The following COLEC11 variants were observed in gnomAD, a reference collection of about 807,000 sequenced individuals.
The protein encoded by COLEC11 is collectin-11.
A neutral mutation model predicts 27.3 loss-of-function variants in COLEC11; 20 were observed. The observed-to-expected ratio is 0.73, with a 90% CI of 0.51 to 1.06. COLEC11 has a LOEUF of 1.06. Ranked by LOEUF, COLEC11 falls within the 50% of genes least tolerant of loss-of-function variation. The probability of loss-of-function intolerance (pLI) is 0.00; values close to 1 mark genes in which losing one functional copy is unlikely to be tolerated. For missense variants in COLEC11, 310 were observed against 383.0 expected (o/e 0.81, Z 1.59); for synonymous variants, 163 against 154.7 (o/e 1.05, Z -0.40).
At chr2:3,603,768 C>A in intron 1 of COLEC11, 2 of 1,092,102 alleles carry the variant, frequency 1.8e-6, no homozygotes, top group Middle Eastern at 2.0e-4. Context: ...AAGGCCGGGG[C>A]TCCTCTCTCC....
intron 3 of COLEC11, among the ~76,000 whole-genome samples, chr2:3,621,395 T>G (rs1664177350): frequency 6.6e-6 from 1 of 152,248 alleles, no homozygotes; most frequent in African/African-American, 2.4e-5. Context: ...TTCCATCCCT[T>G]CATTTTTAGT....
At chr2:3,604,572 G>A in intron 2 of COLEC11, 102 bp downstream of exon 2, 1 of 1,326,218 alleles carries the variant, frequency 7.5e-7, no homozygotes, top group Non-Finnish European at 1.1e-6. Flanking sequence ...CAAAGCCCCA[G>A]CAAATCTGCT....
Position 3,643,956 on chromosome 2 carries a change from C to T in COLEC11, c.654C>T (p.Asp218=). The T allele has an allele frequency of 1.2e-6, 2 of 1,614,190 alleles. No individual in the cohort carries two copies. Among genetic ancestry groups the T allele is most frequent in the Non-Finnish European group, 8.5e-7 (1 of 1,180,058 alleles). ...LEKEGAFVYS[D]HSPMRTFNKW... is the part of the protein sequence containing the mutation. The stretch of plus-strand genomic sequence containing the variant: ...AGGAGGGCGCCTTCGTGTACTCTGA[C>T]CACTCCCCCATGCGGACCTTCAACA... The change falls in exon 7 of 7, where the codon GAC becomes GAT. Residue 218 remains aspartate, a synonymous_variant. Transcript: ENST00000349077.
intron 1 of COLEC11, among the ~76,000 whole-genome samples, chr2:3,598,624 ATTG>A (rs1047863929): frequency 6.6e-6 from 1 of 151,960 alleles, no homozygotes; most frequent in East Asian, 1.9e-4. Flanking sequence ...GGTTGCCCTT[ATTG>A]TTCTAATATC....
chr2:3,638,780 G>A (rs1251746396), intron 4 of COLEC11, among the ~76,000 whole-genome samples: 4 of 152,234 alleles, frequency 2.6e-5, no homozygotes, highest in African/African-American at 7.2e-5. Flanking sequence ...GGAGGGAGGC[G>A]TGGGCTTCAC....
intron 2 of COLEC11, among the ~76,000 whole-genome samples, chr2:3,609,518 C>T (rs1204091166): frequency 6.9e-6 from 1 of 144,602 alleles, no homozygotes. Flanking sequence ...TACAGGTGCA[C>T]AGCAACACAT....
chr2:3,618,866 C>T (rs1663974591), intron 3 of COLEC11, among the ~76,000 whole-genome samples: 1 of 152,174 alleles, frequency 6.6e-6, no homozygotes, highest in South Asian at 2.1e-4. Context: ...TCTCAGTGTA[C>T]AGGTACACAA....
intron 2 of COLEC11, 87 bp from the exon 3 acceptor site, chr2:3,613,224 C>T (rs569819908): frequency 2.7e-5 from 39 of 1,419,602 alleles, no homozygotes; most frequent in South Asian, 2.5e-4. Flanking sequence ...CCGGGGAGAA[C>T]GCTTCTAACT....
intron 1 of COLEC11, among the ~76,000 whole-genome samples, chr2:3,600,245 A>T (rs1662125674): frequency 6.7e-6 from 1 of 149,138 alleles, no homozygotes; most frequent in Non-Finnish European, 1.5e-5. Flanking sequence ...AAAAAAAAAA[A>T]AAAAAAGCAA....
intron 3 of COLEC11, among the ~76,000 whole-genome samples, chr2:3,615,755 C>G (rs148153543): frequency 0.044 from 6,659 of 150,094 alleles, 193 homozygotes; most frequent in Non-Finnish European, 0.07. Flanking sequence ...AGGGCGGTGG[C>G]CGGGCAGAGG....
chr2:3,640,347 T>C lies in COLEC11; in HGVS notation c.328+16T>C, dbSNP rs767120963. On this transcript the variant is annotated intron_variant, in intron 5 of 6. Coordinates refer to ENST00000349077, the MANE Select transcript of COLEC11 (RefSeq NM_024027.5). ...GGAGAACCAGGTATGGCATAAAGGG[T>C]CCAAGGATTTTTAATAAAATGTATT... The C allele has an allele frequency of 4.1e-6, 6 of 1,469,952 alleles. No individual in the cohort carries two copies. Among genetic ancestry groups the C allele is most frequent in the Non-Finnish European group, 5.7e-6 (6 of 1,049,260 alleles). 91.1% of individuals were successfully genotyped at this position (1,469,952 alleles called of 1,614,324 possible). A position where few individuals can be genotyped will look rare whatever the true frequency, so the allele number is the denominator to read the frequency against.
intron 2 of COLEC11, among the ~76,000 whole-genome samples, 172 bp from the exon 3 acceptor site, chr2:3,613,139 G>T (rs115240592): frequency 0.024 from 3,600 of 152,218 alleles, 150 homozygotes; most frequent in African/African-American, 0.08. Context: ...CAGAATCAGG[G>T]GCACCCAGAG....
intron 3 of COLEC11, among the ~76,000 whole-genome samples, chr2:3,635,943 A>G (rs145773231): frequency 1.3e-5 from 2 of 152,374 alleles, no homozygotes; most frequent in Non-Finnish European, 2.9e-5. Flanking sequence ...TTTTATTGCA[A>G]TGTAAACCAC....
chr2:3,638,432 T>C (rs111833975), intron 4 of COLEC11, among the ~76,000 whole-genome samples: 51 of 152,316 alleles, frequency 3.3e-4, no homozygotes, highest in African/African-American at 1.2e-3. Flanking sequence ...GCGGCTAAGC[T>C]GCCCTGAGCA....
At chr2:3,601,020 G>T (rs1221778802) in intron 1 of COLEC11, among the ~76,000 whole-genome samples, 1 of 152,160 alleles carries the variant, frequency 6.6e-6, no homozygotes, top group Non-Finnish European at 1.5e-5. Context: ...TTTCCTCTTG[G>T]CCTTTCCACT....
intron 6 of COLEC11, 28 bp from the exon 7 acceptor site, chr2:3,643,699 C>T (rs1163677272): frequency 6.2e-7 from 1 of 1,613,270 alleles, no homozygotes; most frequent in Non-Finnish European, 8.5e-7. Flanking sequence ...TACAAGTGCT[C>T]ACTTTTCAAC....
intron 1 of COLEC11, chr2:3,603,277 G>C (rs1458781403): frequency 1.2e-5 from 2 of 172,320 alleles, no homozygotes; most frequent in Admixed American, 5.9e-5. Context: ...AAGTTGAGTA[G>C]TTTCCATTGC....
chr2:3,626,292 C>T (rs1664547634), intron 3 of COLEC11, among the ~76,000 whole-genome samples: 1 of 152,256 alleles, frequency 6.6e-6, no homozygotes, highest in Non-Finnish European at 1.5e-5. Context: ...GTGCAGAGAC[C>T]ACAGACGTGG....
chr2:3,615,051 CA>C (rs1663545964), intron 3 of COLEC11, among the ~76,000 whole-genome samples: 1 of 151,716 alleles, frequency 6.6e-6, no homozygotes, highest in Middle Eastern at 3.2e-3. Flanking sequence ...TTTCAGTTCA[CA>C]ACAATGTACC....
Sources: gnomAD v4.1 joint callset for allele counts (sites outside exome capture counted in the v4.1 genomes callset) on GRCh38, gnomAD v4.1.1 for gene constraint, MANE v1.5 for transcripts, NCBI Gene and HGNC (gene_info 2026-07-23, HGNC 2026-07-21) for gene names.